The following ANO3 variants were observed in gnomAD, a reference collection of about 807,000 sequenced individuals.
ANO3 encodes anoctamin 3.
A neutral mutation model predicts 144.8 loss-of-function variants in ANO3; 99 were observed. The observed-to-expected ratio is 0.68, with a 90% confidence interval of 0.58 to 0.81. ANO3 has a LOEUF of 0.81. Among genes scored for constraint, ANO3 ranks in the 30% least tolerant of loss-of-function variants. ANO3 has a pLI of 0.00. For missense variants in ANO3, 905 were observed against 1,202.2 expected, an observed-to-expected ratio of 0.75 and a Z score of 3.66; for synonymous variants, 414 against 392.6, an observed-to-expected ratio of 1.05 and a Z score of -0.64.
chr11:26,310,365 A>C (rs1367769049), intron 1 of ANO3, among the ~76,000 whole-genome samples: 2 of 152,198 alleles, frequency 1.3e-5, no homozygotes, highest in Non-Finnish European at 2.9e-5. Context: ...TTACATTATC[A>C]AGGTTAGACG....
intron 4 of ANO3, among the ~76,000 whole-genome samples, chr11:26,475,695 G>A (rs1249522991): frequency 1.3e-5 from 2 of 151,932 alleles, no homozygotes; most frequent in South Asian, 4.1e-4. Context: ...TAAGAAATAT[G>A]TATGTCTATC....
intron 3 of ANO3, among the ~76,000 whole-genome samples, chr11:26,458,192 G>A (rs1318199304): frequency 6.6e-6 from 1 of 151,984 alleles, no homozygotes; most frequent in African/African-American, 2.4e-5. Flanking sequence ...TAAAAATAAG[G>A]ATCTGTGCCC....
chr11:26,497,041 C>CAT (rs1305054358), intron 4 of ANO3, among the ~76,000 whole-genome samples: 2 of 149,988 alleles, frequency 1.3e-5, no homozygotes, highest in African/African-American at 4.9e-5. Context: ...CACACACACA[C>CAT]ACACACTACA....
intron 7 of ANO3, among the ~76,000 whole-genome samples, chr11:26,527,668 G>T (rs1007675422): frequency 6.6e-6 from 1 of 152,070 alleles, no homozygotes; most frequent in African/African-American, 2.4e-5. Flanking sequence ...ACATATTAGG[G>T]GATAAATAAT....
intron 17 of ANO3, among the ~76,000 whole-genome samples, chr11:26,605,819 C>A (rs988248246): frequency 6.6e-6 from 1 of 150,808 alleles, no homozygotes; most frequent in Admixed American, 6.6e-5. Context: ...CTATTTGATT[C>A]TTCTCTCTTT....
intron 1 of ANO3, among the ~76,000 whole-genome samples, chr11:26,236,606 C>G (rs1852529422): frequency 6.6e-6 from 1 of 152,038 alleles, no homozygotes; most frequent in Admixed American, 6.6e-5. Context: ...ATCACGAGGT[C>G]AGGAGACCAA....
chr11:26,317,916 T>C (rs757534605), intron 1 of ANO3, among the ~76,000 whole-genome samples: 9 of 152,190 alleles, frequency 5.9e-5, no homozygotes, highest in East Asian at 1.9e-4. Context: ...CACCATTGAA[T>C]ACTATGCATC....
chr11:26,626,075 A>G (rs937073320), intron 18 of ANO3, among the ~76,000 whole-genome samples: 3 of 152,174 alleles, frequency 2.0e-5, no homozygotes, highest in Non-Finnish European at 4.4e-5. Flanking sequence ...GAGCTCTGCT[A>G]CCATTCTGAT....
chr11:26,346,007 T>C (rs2133906035), intron 1 of ANO3, among the ~76,000 whole-genome samples: 1 of 152,342 alleles, frequency 6.6e-6, no homozygotes, highest in Non-Finnish European at 1.5e-5. Flanking sequence ...GGAAAGGAAC[T>C]GATAACAGTT....
chr11:26,559,947 T>G (rs1850220988), intron 14 of ANO3, 168 bp downstream of exon 14: 1 of 508,342 alleles, frequency 2.0e-6, no homozygotes, highest in African/African-American at 1.9e-5. Flanking sequence ...TATTCAGTGC[T>G]TCTTTAGGAA....
Position 26,643,354 on chromosome 11 carries a change from T to C in ANO3, c.2428+20T>C, listed in dbSNP as rs755686422. 13 of 1,613,060 alleles carry C rather than the reference T, an allele frequency of 8.1e-6. No homozygotes were observed. Among genetic ancestry groups the C allele is most frequent in the South Asian group, 1.1e-5 (1 of 90,822 alleles). On this transcript the variant is annotated intron_variant, in intron 23 of 26. Transcript: ENST00000256737. ...ACATAGGTAAGATTCGGAAGTTAAATGATTTTTACGTTGCTAACACCAATA... is the reference window on the plus strand; with the variant it reads ...ACATAGGTAAGATTCGGAAGTTAAACGATTTTTACGTTGCTAACACCAATA...
At chr11:26,619,556 C>T (rs909865529) in intron 17 of ANO3, among the ~76,000 whole-genome samples, 3 of 152,074 alleles carry the variant, frequency 2.0e-5, no homozygotes, top group Non-Finnish European at 4.4e-5. Flanking sequence ...TCACAGCAAC[C>T]TCTGCCTCCC....
At chr11:26,390,422 A>T (rs1856844190) in intron 1 of ANO3, among the ~76,000 whole-genome samples, 1 of 152,168 alleles carries the variant, frequency 6.6e-6, no homozygotes, top group African/African-American at 2.4e-5. Context: ...ACCCCCTCCC[A>T]AAAAACTTGA....
At chr11:26,240,329 G>C (rs972263218) in intron 1 of ANO3, among the ~76,000 whole-genome samples, 17 of 152,212 alleles carry the variant, frequency 1.1e-4, no homozygotes, top group Admixed American at 1.1e-3. Context: ...GCATAAAATT[G>C]CAATTAAAGT....
chr11:26,628,807 C>G (rs2133025564), intron 18 of ANO3, among the ~76,000 whole-genome samples: 1 of 152,208 alleles, frequency 6.6e-6, no homozygotes, highest in South Asian at 2.1e-4. Flanking sequence ...TGTAAGAGGG[C>G]CTCTTCAATC....
At chr11:26,358,768 A>G (rs1244263463) in intron 1 of ANO3, among the ~76,000 whole-genome samples, 2 of 151,914 alleles carry the variant, frequency 1.3e-5, no homozygotes, top group African/African-American at 4.8e-5. Context: ...CAGTCCACTC[A>G]TGCTCTTTTT....
In ANO3 at chr11:26,391,394, C is replaced by G. The variant is rs1856875072; in HGVS notation, c.47-50524C>G. 2.0e-5 allele frequency among the ~76,000 whole-genome samples: 3 copies of G among 152,090 alleles called. No homozygotes were observed. The South Asian group carries it at 6.2e-4, about 32-fold the overall frequency. On this transcript the variant is annotated intron_variant, in intron 1 of 26. Transcript: ENST00000256737. ...TCATGAAGGCAGAGCCCTCATGACC[C>G]TCTTAAAGTTCCTATTTCTTAATAC...
intron 1 of ANO3, among the ~76,000 whole-genome samples, chr11:26,215,689 G>A (rs1035950464): frequency 1.1e-4 from 17 of 148,766 alleles, no homozygotes; most frequent in African/African-American, 2.2e-4. Context: ...ATATGTATGC[G>A]GTGAATAATA....
chr11:26,206,405 T>C (rs1207086543), intron 1 of ANO3, among the ~76,000 whole-genome samples: 2 of 148,846 alleles, frequency 1.3e-5, no homozygotes, highest in African/African-American at 5.2e-5. Flanking sequence ...GTAAACTTAT[T>C]TTCTTTATCT....
Sources: allele counts gnomAD v4.1 joint callset (sites outside exome capture counted in the v4.1 genomes callset), GRCh38; gene constraint gnomAD v4.1.1; transcripts MANE v1.5; gene names NCBI Gene and HGNC (gene_info 2026-07-23, HGNC 2026-07-21).